DPY19L2: variants seen among roughly 807,000 people sequenced by gnomAD.
DPY19L2 encodes probable C-mannosyltransferase DPY19L2.
Under a neutral mutation model 97.9 loss-of-function variants are expected in DPY19L2, and 34 were observed. The ratio of observed to expected loss-of-function variants is 0.35; its 90% CI spans 0.26 to 0.46. The LOEUF is 0.46. Among genes scored for constraint, DPY19L2 ranks in the 20% least tolerant of loss-of-function variants. DPY19L2 has a pLI of 1.00. For missense variants in DPY19L2, 623 were observed against 911.4 expected, an observed-to-expected ratio of 0.68 and a Z score of 4.07; for synonymous variants, 230 against 307.9, an observed-to-expected ratio of 0.75 and a Z score of 2.65.
chr12:63,586,246 C>G (rs1239043694), intron 16 of DPY19L2, among the ~76,000 whole-genome samples: 1 of 152,140 alleles, frequency 6.6e-6, no homozygotes, highest in African/African-American at 2.4e-5. Context: ...ATTAACCAAT[C>G]TATCAATCAA....
intron 8 of DPY19L2, chr12:63,623,700 T>C (rs1281467012): frequency 1.4e-5 from 3 of 217,624 alleles, no homozygotes; most frequent in Non-Finnish European, 1.9e-5. Flanking sequence ...TGTATATATG[T>C]AATATATATA....
chr12:63,585,595 G>A (rs1421305403), intron 16 of DPY19L2, among the ~76,000 whole-genome samples: 1 of 152,090 alleles, frequency 6.6e-6, no homozygotes, highest in Non-Finnish European at 1.5e-5. Context: ...GATTCCTGTA[G>A]TGAGCTGCAT....
intron 4 of DPY19L2, among the ~76,000 whole-genome samples, chr12:63,656,148 CA>C (rs1159522464): frequency 6.6e-6 from 1 of 152,158 alleles, no homozygotes; most frequent in Non-Finnish European, 1.5e-5. Context: ...TGGAAGGCCA[CA>C]AGCAATGTTC....
rs748446559 is a variant in DPY19L2 at position 63,617,318 on chromosome 12, A to G, written c.1204T>C (p.Leu402=). ...TAAACACTTACCCACGTCATTAACAAAGATGAAGAATAATAAGAAGATAAG... is the reference window on the plus strand; with the variant it reads ...TAAACACTTACCCACGTCATTAACAGAGATGAAGAATAATAAGAAGATAAG... ...MYLSSYYSSS[L]LMTWAIILKR... Residue 402 remains leucine (L), a synonymous_variant, in exon 11 of 22, where the codon TTG becomes CTG. Transcript: ENST00000324472. 3.8e-6 allele frequency: 6 copies of G among 1,595,598 alleles called. No individual in the cohort carries two copies. The highest frequency in any genetic ancestry group is 3.4e-5 in the South Asian group (3 of 88,756).
In DPY19L2 at chr12:63,569,530, A is replaced by G; in HGVS notation, c.2001-181T>C. ...TTCCACATTCCTACTTATATTTTGA[A>G]TGTAATAAAACTTACAGCAATTTAA... On this transcript the variant is annotated intron_variant, in intron 20 of 21. Transcript: ENST00000324472. 3 of 424,754 alleles carry G rather than the reference A, an allele frequency of 7.1e-6. No individual in the cohort carries two copies. The East Asian group carries it at 1.4e-4, about 20-fold the overall frequency. 26.3% of individuals were successfully genotyped at this position (424,754 alleles called of 1,614,324 possible).
At chr12:63,649,494 A>G (rs1893888135) in intron 4 of DPY19L2, among the ~76,000 whole-genome samples, 1 of 152,182 alleles carries the variant, frequency 6.6e-6, no homozygotes, top group Admixed American at 6.5e-5. Flanking sequence ...GACAAAGGAT[A>G]TATTACCATT....
intron 20 of DPY19L2, 30 bp downstream of exon 20, chr12:63,570,728 G>C (rs377198758): frequency 6.2e-7 from 1 of 1,604,632 alleles, no homozygotes; most frequent in Admixed American, 1.7e-5. Context: ...TGCCAAGTGA[G>C]TCTTGAAGAA....
At chr12:63,570,144 A>C (rs193068308) in intron 20 of DPY19L2, among the ~76,000 whole-genome samples, 1 of 152,182 alleles carries the variant, frequency 6.6e-6, no homozygotes, top group African/African-American at 2.4e-5. Context: ...AAAAACGATT[A>C]CCCTGACAAC....
intron 6 of DPY19L2, 99 bp downstream of exon 6, chr12:63,644,304 G>A (rs1893096847): frequency 1.4e-6 from 2 of 1,447,642 alleles, no homozygotes; most frequent in Non-Finnish European, 9.2e-7. Context: ...TTCCTGATAT[G>A]AATCTAATCT....
intron 11 of DPY19L2, among the ~76,000 whole-genome samples, chr12:63,609,074 CAT>C (rs1886524875): frequency 6.6e-6 from 1 of 152,080 alleles, no homozygotes; most frequent in African/African-American, 2.4e-5. Context: ...AATATTTAAA[CAT>C]GTTTAAAAAA....
chr12:63,659,153 T>C (rs576929011), intron 4 of DPY19L2, among the ~76,000 whole-genome samples: 20 of 152,050 alleles, frequency 1.3e-4, no homozygotes, highest in African/African-American at 4.6e-4. Flanking sequence ...CATAGAAAAA[T>C]CCAAAGGATT....
intron 1 of DPY19L2, among the ~76,000 whole-genome samples, chr12:63,666,832 T>C (rs34173532): frequency 0.2 from 30,547 of 152,096 alleles, 3,600 homozygotes; most frequent in Non-Finnish European, 0.27. Flanking sequence ...ATCCTAAATA[T>C]ACTTGGCAAG....
intron 5 of DPY19L2, among the ~76,000 whole-genome samples, chr12:63,645,513 C>G (rs1893298756): frequency 1.3e-5 from 2 of 152,194 alleles, no homozygotes; most frequent in South Asian, 4.1e-4. Flanking sequence ...AGCCAGATAG[C>G]CACTTGATGT....
At chr12:63,617,780 T>C (rs1888081839) in intron 10 of DPY19L2, among the ~76,000 whole-genome samples, 1 of 152,100 alleles carries the variant, frequency 6.6e-6, no homozygotes, top group African/African-American at 2.4e-5. Flanking sequence ...TTAAGGAAGC[T>C]ATGTTTGGGA....
chr12:63,634,550 G>C (rs1016659734), intron 6 of DPY19L2, among the ~76,000 whole-genome samples: 1 of 152,160 alleles, frequency 6.6e-6, no homozygotes, highest in Non-Finnish European at 1.5e-5. Flanking sequence ...AGCCGTGATA[G>C]ACAGTACCTG....
At chr12:63,629,027 A>G (rs902678811) in intron 6 of DPY19L2, among the ~76,000 whole-genome samples, 6 of 152,128 alleles carry the variant, frequency 3.9e-5, no homozygotes, top group Non-Finnish European at 8.8e-5. Context: ...AAGGAAAACT[A>G]ACAAACAGAA....
At chr12:63,598,165 A>T (rs1249702817) in intron 13 of DPY19L2, among the ~76,000 whole-genome samples, 1 of 151,982 alleles carries the variant, frequency 6.6e-6, no homozygotes, top group East Asian at 1.9e-4. Flanking sequence ...CAAAGAGAAG[A>T]TGATAAAGAG....
At chr12:63,566,327 A>G (rs1390358747) in intron 21 of DPY19L2, among the ~76,000 whole-genome samples, 1 of 152,130 alleles carries the variant, frequency 6.6e-6, no homozygotes, top group Non-Finnish European at 1.5e-5. Context: ...GTCCTCCACC[A>G]TGGTAACATT....
At chr12:63,589,296 A>G (rs561603901) in intron 16 of DPY19L2, among the ~76,000 whole-genome samples, 1 of 145,998 alleles carries the variant, frequency 6.8e-6, no homozygotes, top group African/African-American at 2.5e-5. Flanking sequence ...CCAGACATCA[A>G]TGGAAAAACT....
Sources: gnomAD v4.1 joint callset for allele counts (sites outside exome capture counted in the v4.1 genomes callset) on GRCh38, gnomAD v4.1.1 for gene constraint, MANE v1.5 for transcripts, NCBI Gene and HGNC (gene_info 2026-07-23, HGNC 2026-07-21) for gene names.